SHANK2: variants seen among roughly 807,000 people sequenced by gnomAD.
The protein encoded by SHANK2 is SH3 and multiple ankyrin repeat domains 2.
A neutral mutation model predicts 133.7 loss-of-function variants in SHANK2; 43 were observed. That is an observed-to-expected ratio of 0.32 (90% confidence interval 0.25 to 0.41). SHANK2 has a LOEUF of 0.41. SHANK2 is among the 10% of genes least tolerant of loss of function. SHANK2 has a pLI of 1.00. For missense variants in SHANK2, 1,994 were observed against 2,235.8 expected (o/e 0.89, Z 2.18); for synonymous variants, 1,017 against 952.8 (o/e 1.07, Z -1.24).
chr11:70,925,792 G>T (rs140691929), intron 10 of SHANK2, among the ~76,000 whole-genome samples: 1 of 151,962 alleles, frequency 6.6e-6, no homozygotes, highest in Non-Finnish European at 1.5e-5. Flanking sequence ...CATGGTCTGC[G>T]GTGCTAACAT....
chr11:71,214,718 C>T (rs1954366150), intron 2 of SHANK2, among the ~76,000 whole-genome samples: 1 of 152,180 alleles, frequency 6.6e-6, no homozygotes, highest in Admixed American at 6.5e-5. Flanking sequence ...CTGTCGCGTG[C>T]CACCCCGGGC....
At chr11:70,920,200 T>C (rs1950330453) in intron 10 of SHANK2, among the ~76,000 whole-genome samples, 1 of 152,212 alleles carries the variant, frequency 6.6e-6, no homozygotes, top group South Asian at 2.1e-4. Flanking sequence ...TAGTAGCTAC[T>C]AGTATAATCA....
At chr11:70,862,049 G>C (rs1200952179) in intron 11 of SHANK2, among the ~76,000 whole-genome samples, 6 of 152,090 alleles carry the variant, frequency 3.9e-5, no homozygotes, top group African/African-American at 1.4e-4. Flanking sequence ...CCAGGCCAGG[G>C]GGAATCTGGT....
rs188551136 is a variant in SHANK2, at chr11:70,505,317, G to A, written c.2062-2386C>T. 3.0e-3 allele frequency among the ~76,000 whole-genome samples: 452 copies of A among 152,282 alleles called. 1 individual carries two copies. The highest frequency in any genetic ancestry group is 6.8e-3 in the Middle Eastern group (2 of 294). ...GATGCAGAGATGAGGCATCTGACCC[G>A]AGCAGCTGTGAGTATGAGGTGCCAA... On this transcript the variant is annotated intron_variant, in intron 17 of 25. Coordinates refer to ENST00000601538, the MANE Select transcript of SHANK2 (RefSeq NM_012309.5).
intron 2 of SHANK2, among the ~76,000 whole-genome samples, chr11:71,220,730 T>C (rs1052307139): frequency 1.6e-4 from 24 of 150,238 alleles, no homozygotes; most frequent in Non-Finnish European, 2.5e-4. Context: ...GGGAAATCCA[T>C]GGAGACAGAA....
intron 15 of SHANK2, among the ~76,000 whole-genome samples, chr11:70,663,915 A>C (rs1249894974): frequency 6.6e-6 from 1 of 152,190 alleles, no homozygotes; most frequent in Non-Finnish European, 1.5e-5. Flanking sequence ...GTTTCCCTGC[A>C]CAGCAAGAGT....
chr11:71,245,838 G>C (rs1356177197), intron 1 of SHANK2, among the ~76,000 whole-genome samples: 1 of 152,208 alleles, frequency 6.6e-6, no homozygotes, highest in Non-Finnish European at 1.5e-5. Context: ...GCAAGGCGTG[G>C]TCCCTTTCCT....
intron 14 of SHANK2, among the ~76,000 whole-genome samples, chr11:70,723,299 GTCTC>G (rs57815500): frequency 6.7e-4 from 97 of 145,760 alleles, no homozygotes; most frequent in Middle Eastern, 6.8e-3. Flanking sequence ...TGGAGGGTCT[GTCTC>G]TCTCTCTCTC....
At chr11:70,578,820 G>T (rs1188237824) in intron 17 of SHANK2, among the ~76,000 whole-genome samples, 1 of 152,204 alleles carries the variant, frequency 6.6e-6, no homozygotes, top group Non-Finnish European at 1.5e-5. Context: ...CCTTGGAAAT[G>T]TTACTTATTC....
intron 2 of SHANK2, among the ~76,000 whole-genome samples, chr11:71,158,836 A>C (rs1952955529): frequency 6.6e-6 from 1 of 152,202 alleles, no homozygotes. Context: ...GGGGAAAGAG[A>C]AGAATTAATA....
chr11:71,134,353 G>A (rs1324166999), intron 3 of SHANK2, among the ~76,000 whole-genome samples: 19 of 152,190 alleles, frequency 1.2e-4, no homozygotes, highest in Middle Eastern at 3.4e-3. Context: ...CAGTGGTGAT[G>A]GGCTCACTCA....
intron 13 of SHANK2, 113 bp downstream of exon 13, chr11:70,806,888 GC>G: frequency 1.6e-6 from 1 of 610,916 alleles, no homozygotes. Flanking sequence ...CCTTCCAGGG[GC>G]CCGTGTTTTC....
At chr11:70,823,980 AGAGGTGGTGCT>A (rs1555056691) in intron 11 of SHANK2, among the ~76,000 whole-genome samples, 15 of 150,710 alleles carry the variant, frequency 1.0e-4, no homozygotes, top group Non-Finnish European at 1.9e-4. Context: ...TCCCAAGGAC[AGAGGTGGTGCT>A]GGCAGCGCTC....
intron 17 of SHANK2, among the ~76,000 whole-genome samples, chr11:70,658,838 A>G (rs1555012402): frequency 1.3e-5 from 2 of 152,132 alleles, no homozygotes; most frequent in Non-Finnish European, 2.9e-5. Context: ...GGACCACCAA[A>G]TGGCTGGCTG....
At chr11:71,111,344 G>A (rs972316777) in intron 5 of SHANK2, among the ~76,000 whole-genome samples, 11 of 152,270 alleles carry the variant, frequency 7.2e-5, no homozygotes, top group Admixed American at 6.5e-5. Flanking sequence ...CAGAAATAGC[G>A]ATGCCTGGTC....
chr11:70,780,903 T>A (rs1007276907), intron 14 of SHANK2, among the ~76,000 whole-genome samples: 2 of 152,118 alleles, frequency 1.3e-5, no homozygotes, highest in Non-Finnish European at 2.9e-5. Flanking sequence ...TTCACAATAG[T>A]TTTTTTGTTT....
chr11:70,747,193 C>T (rs1023316050), intron 14 of SHANK2, among the ~76,000 whole-genome samples: 2 of 151,874 alleles, frequency 1.3e-5, no homozygotes, highest in East Asian at 3.9e-4. Flanking sequence ...GGGTGGGGTA[C>T]ACCACCCTGA....
chr11:70,896,789 C>T (rs1270023254), intron 10 of SHANK2, among the ~76,000 whole-genome samples: 1 of 152,174 alleles, frequency 6.6e-6, no homozygotes, highest in East Asian at 1.9e-4. Context: ...CGTTGCTCTA[C>T]AACCTATATG....
chr11:70,894,216 A>G (rs548625981), intron 11 of SHANK2, among the ~76,000 whole-genome samples: 15 of 152,000 alleles, frequency 9.9e-5, no homozygotes, highest in Admixed American at 5.2e-4. Flanking sequence ...TTGTTTTGAG[A>G]CAGAGTTTAG....
Sources: gnomAD v4.1 joint callset for allele counts (sites outside exome capture counted in the v4.1 genomes callset) on GRCh38, gnomAD v4.1.1 for gene constraint, MANE v1.5 for transcripts, NCBI Gene and HGNC (gene_info 2026-07-23, HGNC 2026-07-21) for gene names.